Variants in CAB39 observed in about 807,000 individuals in gnomAD.
CAB39 encodes the protein calcium-binding protein 39.
CAB39 carries 8 observed loss-of-function variants against 40.0 expected under a neutral mutation model. The ratio of observed to expected loss-of-function variants is 0.20; its 90% CI spans 0.12 to 0.36. CAB39 has a LOEUF of 0.36. Ranked by LOEUF, CAB39 falls within the 10% of genes least tolerant of loss-of-function variation. CAB39 has a pLI of 1.00. For missense variants in CAB39, 270 were observed against 401.1 expected (o/e 0.67, Z 2.79); for synonymous variants, 156 against 141.6 (o/e 1.10, Z -0.72).
chr2:230,786,163 CAAAAAAAA>C (rs369510604), intron 2 of CAB39, among the ~76,000 whole-genome samples: 16,562 of 72,382 alleles, frequency 0.23, 1,532 homozygotes, highest in African/African-American at 0.37. Flanking sequence ...GACTCTGTCT[CAAAAAAAA>C]AAAAAAAAAA....
intron 2 of CAB39, among the ~76,000 whole-genome samples, chr2:230,770,892 C>T (rs1055899782): frequency 1.3e-5 from 2 of 152,122 alleles, no homozygotes; most frequent in African/African-American, 4.8e-5. Flanking sequence ...GGAATTTTCT[C>T]AAGCTGATAA....
rs1441336260 is a variant in CAB39 at position 230,751,902 on chromosome 2, T to TA, written c.-43-8056dup. ...TCAGGTGACTTTCACTTTTCTACCT[T>TA]ATGTAATCCTTTAATGTTTGAATTT... is the stretch of plus-strand genomic sequence containing the variant. On this transcript the variant is annotated intron_variant, in intron 1 of 8. Coordinates refer to ENST00000258418, the MANE Select transcript of CAB39 (RefSeq NM_016289.4). Among the ~76,000 whole-genome samples, 5 of 152,258 alleles carry TA rather than the reference T, an allele frequency of 3.3e-5. No individual in the cohort carries two copies. The East Asian group carries it at 9.6e-4, about 29-fold the overall frequency.
intron 1 of CAB39, among the ~76,000 whole-genome samples, chr2:230,721,529 C>T (rs1053560035): frequency 6.6e-6 from 1 of 152,158 alleles, no homozygotes; most frequent in Non-Finnish European, 1.5e-5. Flanking sequence ...TATATTTGTG[C>T]TTATTTGAAA....
At position 230,810,264 on chromosome 2, in the gene CAB39, AT is replaced by A; in HGVS notation, c.572del (p.Leu191TyrfsTer34). ...IASDAFATFKDLLTRHKLLSA... is the reference protein window; with the variant it reads ...IASDAFATFKXLLTRHKLLSA... ...AACAATTTTTTTTTCTTTTTGTAGG[AT>A]TTACTTACAAGACATAAATTGCTCA... On this transcript the variant is annotated frameshift_variant and splice_region_variant, in exon 6 of 9. Coordinates refer to ENST00000258418, the MANE Select transcript of CAB39 (RefSeq NM_016289.4). LOFTEE classifies it high-confidence loss of function. 1.4e-6 allele frequency: 2 copies of A among 1,437,816 alleles called. No homozygotes were observed. The highest frequency in any genetic ancestry group is 1.9e-6 in the Non-Finnish European group (2 of 1,049,186). The allele number at this position is 1,437,816 out of a possible 1,614,324, so 89.1% of individuals were successfully genotyped here. A position where few individuals can be genotyped will look rare whatever the true frequency, so the allele number is the denominator to read the frequency against.
intron 2 of CAB39, among the ~76,000 whole-genome samples, chr2:230,781,145 AGT>A (rs1052106412): frequency 3.3e-5 from 5 of 152,078 alleles, no homozygotes; most frequent in Non-Finnish European, 7.4e-5. Context: ...GGTGATTCTG[AGT>A]GTGTTGACAA....
At chr2:230,760,321 G>C (rs1437677600) in intron 2 of CAB39, among the ~76,000 whole-genome samples, 1 of 152,078 alleles carries the variant, frequency 6.6e-6, no homozygotes, top group Admixed American at 6.5e-5. Flanking sequence ...TCAGGTTTTC[G>C]AGTTTATTTA....
At chr2:230,734,311 C>T (rs1694746933) in intron 1 of CAB39, among the ~76,000 whole-genome samples, 1 of 152,154 alleles carries the variant, frequency 6.6e-6, no homozygotes, top group Non-Finnish European at 1.5e-5. Flanking sequence ...GTTTTTTCCA[C>T]CTGATAGAAA....
intron 2 of CAB39, among the ~76,000 whole-genome samples, chr2:230,787,071 A>C (rs937937451): frequency 6.6e-6 from 1 of 152,238 alleles, no homozygotes; most frequent in African/African-American, 2.4e-5. Flanking sequence ...TGTCATAGTC[A>C]GTAGATATTA....
At position 230,736,318 on chromosome 2, in the gene CAB39, G is replaced by A. The variant is rs570658423; in HGVS notation, c.-44+23088G>A. Among the ~76,000 whole-genome samples the A allele has an allele frequency of 1.1e-3, 174 of 152,192 alleles. 1 individual carries two copies. Among genetic ancestry groups the A allele is most frequent in the African/African-American group, 3.9e-3 (163 of 41,528 alleles). ...TCGTGCTAAAATTAGATTTTTTCAT[G>A]TCCTTTGCCTGTCATTTTAGGGAAA... On this transcript the variant is annotated intron_variant, in intron 1 of 8. Coordinates refer to ENST00000258418, the MANE Select transcript of CAB39 (RefSeq NM_016289.4).
At position 230,725,158 on chromosome 2, in the gene CAB39, G is replaced by A. The variant is rs181176796; in HGVS notation, c.-44+11928G>A. The A allele has an allele frequency of 3.9e-4, 634 of 1,613,296 alleles. 6 individuals are homozygous for A. In the East Asian group the frequency reaches 0.013, roughly 34 times the overall value. On this transcript the variant is annotated intron_variant, in intron 1 of 8. Coordinates refer to ENST00000258418, the MANE Select transcript of CAB39 (RefSeq NM_016289.4). ...CCAGAGAGCATCACAAGAAGGCGTC[G>A]CACCACTCTCGAAGGCAGTCCCGGG...
At chr2:230,741,615 A>G (rs1042846198) in intron 1 of CAB39, among the ~76,000 whole-genome samples, 7 of 152,124 alleles carry the variant, frequency 4.6e-5, no homozygotes, top group Non-Finnish European at 1.0e-4. Flanking sequence ...AGCTGGGATT[A>G]CAGGCACCCA....
chr2:230,819,829 G>GATA lies in CAB39; in HGVS notation c.*1127_*1128insAAT, dbSNP rs1559622341. ...ATCTGCCAGATCTGTGAATGATAGAGATTATGCTAAATTAATGCTGATTCT... is the reference window on the plus strand; with the variant it reads ...ATCTGCCAGATCTGTGAATGATAGAGATAATTATGCTAAATTAATGCTGATTCT... On this transcript the variant is annotated 3_prime_UTR_variant, in exon 9 of 9. Coordinates refer to ENST00000258418, the MANE Select transcript of CAB39 (RefSeq NM_016289.4). 6.6e-6 allele frequency: 1 copy of GATA among 152,440 alleles called. No homozygotes were observed. The allele number at this position is 152,440 out of a possible 1,614,324, so 9.4% of individuals were successfully genotyped here.
rs1474787723 is a variant in CAB39 at position 230,712,902 on chromosome 2, C to G, written c.-372C>G. ...GCGGGGCGAGGGGTTCGGGGAGCGG[C>G]GCGGCCTGGGAGACACAGAGCCTTC... On this transcript the variant is annotated 5_prime_UTR_variant, in exon 1 of 9. Transcript: ENST00000258418. 2 of 151,924 alleles carry G rather than the reference C, an allele frequency of 1.3e-5. No homozygotes were observed. The highest frequency in any genetic ancestry group is 4.8e-5 in the African/African-American group (2 of 41,394). 9.4% of individuals were successfully genotyped at this position (151,924 alleles called of 1,614,324 possible). A position where few individuals can be genotyped will look rare whatever the true frequency, so the allele number is the denominator to read the frequency against.
chr2:230,748,165 G>A (rs2124900893), intron 1 of CAB39, among the ~76,000 whole-genome samples: 1 of 149,864 alleles, frequency 6.7e-6, no homozygotes, highest in Non-Finnish European at 1.5e-5. Context: ...CCTGACATCT[G>A]TCCTGTGAAG....
rs192559279 is a variant in CAB39, at chr2:230,792,693, G to T, written c.280-520G>T. Reference sequence around the variant, plus strand: ...TCTATATAAAGTCTTCCCTAAACAGGCCTAGTTTAATTGGAAGATAGGTCT... The same window carrying T: ...TCTATATAAAGTCTTCCCTAAACAGTCCTAGTTTAATTGGAAGATAGGTCT... On this transcript the variant is annotated intron_variant, in intron 3 of 8. Coordinates refer to ENST00000258418, the MANE Select transcript of CAB39 (RefSeq NM_016289.4). Among the ~76,000 whole-genome samples the T allele has an allele frequency of 4.7e-3, 711 of 152,220 alleles. 3 individuals carry two copies. The highest frequency in any genetic ancestry group is 7.7e-3 in the South Asian group (37 of 4,820).
intron 2 of CAB39, among the ~76,000 whole-genome samples, chr2:230,786,121 G>A (rs1322959574): frequency 1.3e-4 from 17 of 133,618 alleles, no homozygotes; most frequent in Admixed American, 1.7e-4. Context: ...CCAAGATTGC[G>A]CCACTGCACT....
intron 5 of CAB39, among the ~76,000 whole-genome samples, chr2:230,804,578 T>G (rs1227035335): frequency 6.6e-6 from 1 of 152,040 alleles, no homozygotes; most frequent in East Asian, 1.9e-4. Context: ...CATCAAAAAG[T>G]GGGCAAATGA....
At chr2:230,803,490 T>G (rs1028677107) in intron 5 of CAB39, among the ~76,000 whole-genome samples, 5 of 152,194 alleles carry the variant, frequency 3.3e-5, no homozygotes, top group Non-Finnish European at 7.3e-5. Context: ...ATGACATGAT[T>G]GTATATTTAG....
At chr2:230,720,895 CTT>C (rs1327125674) in intron 1 of CAB39, among the ~76,000 whole-genome samples, 2 of 152,188 alleles carry the variant, frequency 1.3e-5, no homozygotes, top group Non-Finnish European at 2.9e-5. Context: ...TGTAGATACT[CTT>C]TTGGCTCCCA....
Sources: gnomAD v4.1 joint callset for allele counts (sites outside exome capture counted in the v4.1 genomes callset) on GRCh38, gnomAD v4.1.1 for gene constraint, MANE v1.5 for transcripts, NCBI Gene and HGNC (gene_info 2026-07-23, HGNC 2026-07-21) for gene names.